The following FMN2 variants were observed in gnomAD, a reference collection of about 807,000 sequenced individuals.
FMN2 encodes the protein formin 2, also known as formin-2.
Under a neutral mutation model 142.3 loss-of-function variants are expected in FMN2, and 51 were observed. The ratio of observed to expected loss-of-function variants is 0.36; its 90% CI spans 0.29 to 0.45. FMN2 has a LOEUF of 0.45. Ranked by LOEUF, FMN2 falls within the 20% of genes least tolerant of loss-of-function variation. The pLI, the probability that FMN2 is intolerant of heterozygous loss-of-function variation, is 1.00. For synonymous variants in FMN2, 882 were observed against 869.8 expected, an observed-to-expected ratio of 1.01 and a Z score of -0.25; for missense variants, 1,936 against 2,122.8, an observed-to-expected ratio of 0.91 and a Z score of 1.73.
At chr1:240,277,614 C>T (rs945614703) in intron 7 of FMN2, among the ~76,000 whole-genome samples, 1 of 146,532 alleles carries the variant, frequency 6.8e-6, no homozygotes, top group African/African-American at 2.5e-5. Context: ...CTTGCTGCAA[C>T]CTCTGCCTCC....
chr1:240,457,610 T>C (rs1408328007), intron 16 of FMN2: 1 of 152,132 alleles, frequency 6.6e-6, no homozygotes, highest in Non-Finnish European at 1.5e-5. Context: ...TTATTTTATA[T>C]AAATTAGCCA....
At chr1:240,452,310 T>C (rs1676088031) in intron 16 of FMN2, among the ~76,000 whole-genome samples, 1 of 152,224 alleles carries the variant, frequency 6.6e-6, no homozygotes, top group Admixed American at 6.5e-5. Context: ...AAGTGAAAGT[T>C]GACAGGCAAG....
chr1:240,255,091 G>A (rs748218272), intron 6 of FMN2, among the ~76,000 whole-genome samples: 4 of 152,094 alleles, frequency 2.6e-5, no homozygotes, highest in Non-Finnish European at 5.9e-5. Context: ...TGCTGGGGTC[G>A]CTCACTTAAC....
At chr1:240,175,543 G>C (rs951389786) in intron 2 of FMN2, among the ~76,000 whole-genome samples, 1 of 152,092 alleles carries the variant, frequency 6.6e-6, no homozygotes, top group African/African-American at 2.4e-5. Flanking sequence ...TTGCTGAGCT[G>C]GAGTGTAGTG....
intron 15 of FMN2, among the ~76,000 whole-genome samples, chr1:240,397,224 C>T (rs1294497182): frequency 6.6e-6 from 1 of 152,118 alleles, no homozygotes; most frequent in Non-Finnish European, 1.5e-5. Context: ...GAGCATTTTT[C>T]CATGTTTGTT....
chr1:240,168,993 A>G (rs532534891), intron 2 of FMN2, among the ~76,000 whole-genome samples: 70 of 152,146 alleles, frequency 4.6e-4, no homozygotes, highest in Non-Finnish European at 9.3e-4. Flanking sequence ...CAGGTGGATC[A>G]TGAGGTCAAG....
chr1:240,247,256 A>G (rs1480357687), intron 6 of FMN2, among the ~76,000 whole-genome samples: 1 of 152,162 alleles, frequency 6.6e-6, no homozygotes, highest in African/African-American at 2.4e-5. Context: ...TAATCTCATC[A>G]CTGTGGGAGG....
intron 10 of FMN2, 128 bp downstream of exon 10, chr1:240,329,596 C>A: frequency 8.2e-7 from 1 of 1,220,130 alleles, no homozygotes; most frequent in Non-Finnish European, 1.1e-6. Context: ...CGCAGTCCCA[C>A]AGAAGGGAAC....
intron 7 of FMN2, among the ~76,000 whole-genome samples, chr1:240,262,321 A>G (rs1318443833): frequency 6.6e-6 from 1 of 151,958 alleles, no homozygotes; most frequent in Non-Finnish European, 1.5e-5. Flanking sequence ...TTCGCTCTTC[A>G]TTTTGTTTAG....
chr1:240,427,124 A>G (rs568070014), intron 15 of FMN2, among the ~76,000 whole-genome samples: 1 of 151,716 alleles, frequency 6.6e-6, no homozygotes, highest in East Asian at 1.9e-4. Context: ...CCAAATACCA[A>G]GTCATTGTTC....
intron 15 of FMN2, among the ~76,000 whole-genome samples, chr1:240,393,623 C>A (rs932856834): frequency 6.6e-6 from 1 of 152,168 alleles, no homozygotes; most frequent in Non-Finnish European, 1.5e-5. Context: ...AATGGTTAAC[C>A]TTAATGAGGA....
rs769195022 is a variant in FMN2 at position 240,206,985 on chromosome 1, G to A, written c.2173G>A (p.Ala725Thr). 1.2e-5 allele frequency: 19 copies of A among 1,614,022 alleles called. No individual in the cohort carries two copies. Among genetic ancestry groups the A allele is most frequent in the Non-Finnish European group, 5.1e-6 (6 of 1,180,022 alleles). ...VTASGDVCLEALRLEEKEVRH... is the reference protein window; with the variant it reads ...VTASGDVCLETLRLEEKEVRH... ...AGCCTCAGGCGATGTCTGTCTCGAA[G>A]CTCTCAGGTTAGAAGAAAAGGAAGT... The change falls in exon 5 of 18, where the codon GCT (alanine) becomes ACT (threonine). Residue 725 changes from alanine (A) to threonine (T), a missense_variant. Ala to Thr is a moderately conservative substitution (Grantham distance 58). Around this residue, in one of 8 missense-constraint regions of FMN2, gnomAD observed 478 missense variants for 462.8 expected, o/e 1.03. Coordinates refer to ENST00000319653, the MANE Select transcript of FMN2 (RefSeq NM_020066.5).
intron 4 of FMN2, among the ~76,000 whole-genome samples, chr1:240,196,852 T>C (rs1665929927): frequency 6.6e-6 from 1 of 152,114 alleles, no homozygotes; most frequent in Admixed American, 6.5e-5. Context: ...AGAGAAATGA[T>C]CGAAAGATGT....
intron 16 of FMN2, among the ~76,000 whole-genome samples, chr1:240,439,286 AG>A (rs1162235601): frequency 1.5e-4 from 23 of 150,930 alleles, no homozygotes; most frequent in African/African-American, 3.9e-4. Context: ...AAAAAAAGAA[AG>A]AAAGAAAGAA....
intron 6 of FMN2, among the ~76,000 whole-genome samples, chr1:240,240,356 A>G (rs1667851707): frequency 6.6e-6 from 1 of 152,234 alleles, no homozygotes; most frequent in East Asian, 1.9e-4. Flanking sequence ...AAGGAAGAAT[A>G]AACTAAAGCC....
intron 3 of FMN2, among the ~76,000 whole-genome samples, chr1:240,184,236 C>CAT (rs1665279265): frequency 1.3e-5 from 1 of 79,440 alleles, no homozygotes; most frequent in Non-Finnish European, 2.2e-5. Context: ...AATATTTAAC[C>CAT]TTTTTTTTTT....
intron 14 of FMN2, among the ~76,000 whole-genome samples, chr1:240,372,984 A>AACCT (rs1207026321): frequency 6.6e-6 from 1 of 152,182 alleles, no homozygotes; most frequent in Non-Finnish European, 1.5e-5. Context: ...CAGGTATACG[A>AACCT]GACCAGCCTG....
chr1:240,463,585 G>A (rs1676516736), intron 16 of FMN2, among the ~76,000 whole-genome samples: 1 of 152,220 alleles, frequency 6.6e-6, no homozygotes, highest in South Asian at 2.1e-4. Flanking sequence ...TGGAGGGAAA[G>A]CATGACATTT....
chr1:240,451,122 C>T (rs1370813100), intron 16 of FMN2, among the ~76,000 whole-genome samples: 1 of 152,010 alleles, frequency 6.6e-6, no homozygotes, highest in East Asian at 1.9e-4. Context: ...AATCCTAGTG[C>T]TTTGGGAGGC....
Sources: gnomAD v4.1 joint callset for allele counts (sites outside exome capture counted in the v4.1 genomes callset) on GRCh38, gnomAD v4.1.1 for gene constraint, gnomAD v4.1.1 regional missense constraint, MANE v1.5 for transcripts, NCBI Gene and HGNC (gene_info 2026-07-23, HGNC 2026-07-21) for gene names.